SND1: variants seen among roughly 807,000 people sequenced by gnomAD.
The protein encoded by SND1 is staphylococcal nuclease and tudor domain containing 1, also known as staphylococcal nuclease domain-containing protein 1.
Under a neutral mutation model 121.7 loss-of-function variants are expected in SND1, and 38 were observed. The ratio of observed to expected loss-of-function variants is 0.31; its 90% CI spans 0.24 to 0.41. The LOEUF is 0.41. SND1 is among the 10% of genes least tolerant of loss of function. The pLI, the probability that SND1 is intolerant of heterozygous loss-of-function variation, is 1.00. For missense variants in SND1, 868 were observed against 1,184.6 expected, an observed-to-expected ratio of 0.73 and a Z score of 3.92; for synonymous variants, 401 against 447.4, an observed-to-expected ratio of 0.90 and a Z score of 1.31.
At chr7:127,884,222 G>T (rs1016378709) in intron 12 of SND1, among the ~76,000 whole-genome samples, 1 of 151,828 alleles carries the variant, frequency 6.6e-6, no homozygotes, top group African/African-American at 2.4e-5. Context: ...GGCTTATCTT[G>T]TACTGTCTTC....
intron 7 of SND1, among the ~76,000 whole-genome samples, chr7:127,704,057 G>A (rs1209465629): frequency 3.3e-5 from 5 of 152,170 alleles, no homozygotes; most frequent in African/African-American, 1.2e-4. Context: ...TCCTAACTCT[G>A]CTTTTAGCAG....
At chr7:128,009,689 A>T (rs1803069794) in intron 16 of SND1, among the ~76,000 whole-genome samples, 1 of 152,216 alleles carries the variant, frequency 6.6e-6, no homozygotes, top group Non-Finnish European at 1.5e-5. Flanking sequence ...CACATTGTGC[A>T]TTCTGGCAAT....
In SND1 at chr7:127,652,282, CT is replaced by C; in HGVS notation, c.-91del. The C allele has an allele frequency of 2.7e-6, 3 of 1,101,392 alleles. No homozygotes were observed. Among genetic ancestry groups the C allele is most frequent in the Non-Finnish European group, 4.1e-6 (3 of 736,552 alleles). 68.2% of individuals were successfully genotyped at this position (1,101,392 alleles called of 1,614,324 possible). A position where few individuals can be genotyped will look rare whatever the true frequency, so the allele number is the denominator to read the frequency against. On this transcript the variant is annotated 5_prime_UTR_variant, in exon 1 of 24. Coordinates refer to ENST00000354725, the MANE Select transcript of SND1 (RefSeq NM_014390.4). ...TCCGCAGCTGGTAGCCAGCCTGCCC[CT>C]CGCCTCGACTCCCTTTCACCAACAC...
intron 10 of SND1, among the ~76,000 whole-genome samples, chr7:127,737,070 T>A (rs529626491): frequency 6.6e-6 from 1 of 152,216 alleles, no homozygotes; most frequent in South Asian, 2.1e-4. Context: ...TGTAAAGCAA[T>A]TATATGTAAT....
At chr7:127,742,573 A>G (rs776383124) in intron 10 of SND1, among the ~76,000 whole-genome samples, 18 of 152,072 alleles carry the variant, frequency 1.2e-4, no homozygotes, top group Non-Finnish European at 2.5e-4. Context: ...AATAGGGTAG[A>G]AGATATGGGC....
intron 10 of SND1, among the ~76,000 whole-genome samples, chr7:127,792,382 C>T (rs1198092918): frequency 6.6e-6 from 1 of 151,982 alleles, no homozygotes; most frequent in Non-Finnish European, 1.5e-5. Context: ...CCAATTGTGA[C>T]CTGCAGAGAG....
chr7:127,912,948 G>A (rs1180721401), intron 14 of SND1, among the ~76,000 whole-genome samples: 1 of 152,182 alleles, frequency 6.6e-6, no homozygotes, highest in East Asian at 1.9e-4. Flanking sequence ...TTCCAAGTCT[G>A]TACCTTACTT....
intron 16 of SND1, among the ~76,000 whole-genome samples, chr7:128,047,100 G>T (rs1792962129): frequency 6.6e-6 from 1 of 152,116 alleles, no homozygotes. Context: ...CATGTAAAAA[G>T]ATTATTATTT....
intron 15 of SND1, among the ~76,000 whole-genome samples, chr7:127,941,423 C>T (rs767826303): frequency 2.6e-5 from 4 of 152,166 alleles, no homozygotes; most frequent in South Asian, 2.1e-4. Context: ...AGTAAACCCT[C>T]GTAACTCCCA....
chr7:128,081,917 G>A (rs1335410948), intron 18 of SND1: 8 of 536,188 alleles, frequency 1.5e-5, no homozygotes, highest in Non-Finnish European at 3.1e-5. Context: ...CCCTCTGGGG[G>A]AGCAAGGAGT....
intron 16 of SND1, chr7:128,000,004 C>G (rs912866709): frequency 2.9e-5 from 4 of 137,958 alleles, no homozygotes; most frequent in Non-Finnish European, 6.1e-5. Flanking sequence ...CTCCTAGTAA[C>G]AATTCCTAGT....
At chr7:127,942,131 C>T (rs576136468) in intron 15 of SND1, among the ~76,000 whole-genome samples, 2 of 152,022 alleles carry the variant, frequency 1.3e-5, no homozygotes, top group Admixed American at 1.3e-4. Flanking sequence ...CTTGTTCTTG[C>T]TAGTATTCTT....
At chr7:128,053,400 G>T (rs887222694) in intron 16 of SND1, among the ~76,000 whole-genome samples, 1 of 152,170 alleles carries the variant, frequency 6.6e-6, no homozygotes, top group African/African-American at 2.4e-5. Context: ...TCTGTGAGAT[G>T]CTGTGAGCTA....
chr7:128,064,257 C>T (rs752782024), intron 16 of SND1, among the ~76,000 whole-genome samples: 6 of 152,062 alleles, frequency 3.9e-5, no homozygotes, highest in South Asian at 4.1e-4. Flanking sequence ...GTAGAGCAAG[C>T]GCAGAAGGAG....
chr7:127,674,142 C>T (rs937129034), intron 1 of SND1, among the ~76,000 whole-genome samples: 4 of 151,916 alleles, frequency 2.6e-5, no homozygotes, highest in African/African-American at 4.8e-5. Flanking sequence ...CCCTCCCTTC[C>T]TGCCCTCCTC....
chr7:127,685,278 A>T (rs1365676175), intron 1 of SND1, among the ~76,000 whole-genome samples: 1 of 152,214 alleles, frequency 6.6e-6, no homozygotes, highest in Non-Finnish European at 1.5e-5. Context: ...GCTTCCTTTC[A>T]TTCTCCTTTT....
intron 14 of SND1, among the ~76,000 whole-genome samples, chr7:127,912,659 A>G (rs1800485326): frequency 6.6e-6 from 1 of 152,158 alleles, no homozygotes; most frequent in South Asian, 2.1e-4. Flanking sequence ...GGTTAAAATG[A>G]AATTTTCTAC....
chr7:127,942,643 G>A (rs1228884680), intron 15 of SND1, among the ~76,000 whole-genome samples: 1 of 152,204 alleles, frequency 6.6e-6, no homozygotes, highest in Non-Finnish European at 1.5e-5. Context: ...GTTTCTTCCT[G>A]TTGGTGAATG....
In SND1 at chr7:127,789,365, A is replaced by T. The variant is rs540593276; in HGVS notation, c.1153-18119A>T. Among the ~76,000 whole-genome samples the T allele has an allele frequency of 5.3e-5, 8 of 152,352 alleles. No homozygotes were observed. The South Asian group carries it at 1.7e-3, about 32-fold the overall frequency. ...ATCGATTGCCAAACCTTTTTAAAAA[A>T]TTCATAAATTACACATGCATAAATG... is the stretch of plus-strand genomic sequence containing the variant. On this transcript the variant is annotated intron_variant, in intron 10 of 23. Transcript: ENST00000354725.
Sources: allele counts gnomAD v4.1 joint callset (sites outside exome capture counted in the v4.1 genomes callset), GRCh38; gene constraint gnomAD v4.1.1; transcripts MANE v1.5; gene names NCBI Gene and HGNC (gene_info 2026-07-23, HGNC 2026-07-21).